The following MARCHF1 variants were observed in gnomAD, a reference collection of about 807,000 sequenced individuals.
MARCHF1 encodes membrane associated ring-CH-type finger 1.
MARCHF1 carries 40 observed loss-of-function variants against 54.2 expected under a neutral mutation model. The ratio of observed to expected loss-of-function variants is 0.74; its 90% CI spans 0.57 to 0.96. The LOEUF is 0.96. Among genes scored for constraint, MARCHF1 ranks in the 40% least tolerant of loss-of-function variants. The pLI is 0.00. For synonymous variants in MARCHF1, 236 were observed against 236.3 expected (o/e 1.00, Z 0.01); for missense variants, 586 against 656.5 (o/e 0.89, Z 1.17).
intron 5 of MARCHF1, among the ~76,000 whole-genome samples, chr4:163,632,107 A>T (rs1478982312): frequency 2.0e-5 from 3 of 152,240 alleles, no homozygotes; most frequent in Admixed American, 6.5e-5. Context: ...GAGGATGTGG[A>T]GAAATTGGAA....
intron 2 of MARCHF1, among the ~76,000 whole-genome samples, chr4:164,063,040 A>G (rs1754654194): frequency 6.6e-6 from 1 of 152,208 alleles, no homozygotes; most frequent in Non-Finnish European, 1.5e-5. Flanking sequence ...TTCTCAACAT[A>G]GGGGTTAAAA....
At chr4:163,848,291 G>A (rs891864462) in intron 4 of MARCHF1, among the ~76,000 whole-genome samples, 1 of 152,104 alleles carries the variant, frequency 6.6e-6, no homozygotes, top group East Asian at 1.9e-4. Flanking sequence ...CTGAGCTGAT[G>A]AACATATGTT....
chr4:163,834,908 G>C (rs1749138117), intron 4 of MARCHF1, among the ~76,000 whole-genome samples: 1 of 150,544 alleles, frequency 6.6e-6, no homozygotes, highest in South Asian at 2.1e-4. Flanking sequence ...TAGAGATGGG[G>C]TCTTGTTCTG....
rs188488403 is a variant in MARCHF1 at position 164,007,902 on chromosome 4, G to A, written c.-247-19193C>T. 2.0e-3 allele frequency among the ~76,000 whole-genome samples: 303 copies of A among 152,130 alleles called. 1 individual carries two copies. Among genetic ancestry groups the A allele is most frequent in the Non-Finnish European group, 2.9e-3 (195 of 67,982 alleles). ...ATCCATAAAGGAAGAGAGTAAGAAGGAAGAAAAGGAGAGTCTCATAATAGC... is the reference window on the plus strand; with the variant it reads ...ATCCATAAAGGAAGAGAGTAAGAAGAAAGAAAAGGAGAGTCTCATAATAGC... On this transcript the variant is annotated intron_variant, in intron 2 of 9. Transcript: ENST00000514618.
intron 1 of MARCHF1, among the ~76,000 whole-genome samples, chr4:164,181,226 C>A (rs994221620): frequency 1.3e-5 from 2 of 152,128 alleles, no homozygotes; most frequent in African/African-American, 4.8e-5. Flanking sequence ...ATACATTGGC[C>A]TCCTTTGACT....
chr4:163,992,551 G>C (rs1400114907), intron 2 of MARCHF1, among the ~76,000 whole-genome samples: 2 of 151,768 alleles, frequency 1.3e-5, no homozygotes, highest in Non-Finnish European at 2.9e-5. Flanking sequence ...TCAAGGCGTA[G>C]AGATGGTGTG....
At chr4:164,002,174 C>T (rs1161877330) in intron 2 of MARCHF1, among the ~76,000 whole-genome samples, 1 of 151,510 alleles carries the variant, frequency 6.6e-6, no homozygotes. Context: ...AGAATATTCA[C>T]AATATCTGGC....
intron 1 of MARCHF1, among the ~76,000 whole-genome samples, chr4:164,322,786 G>C (rs1008750242): frequency 6.6e-6 from 1 of 151,912 alleles, no homozygotes; most frequent in African/African-American, 2.4e-5. Flanking sequence ...CAGAAAGAAT[G>C]CAAGAATATC....
rs142836641 is a variant in MARCHF1 at position 163,646,856 on chromosome 4, A to T, written c.163-33463T>A. Among the ~76,000 whole-genome samples, 568 of 152,226 alleles carry T rather than the reference A, an allele frequency of 3.7e-3. 3 individuals carry two copies. The highest frequency in any genetic ancestry group is 0.013 in the African/African-American group (525 of 41,562). ...CAAGAGAGGAAGAAAAGAACAAAAG[A>T]TCCACAAAACAATCTGAAAACAATT... is the stretch of plus-strand genomic sequence containing the variant. On this transcript the variant is annotated intron_variant, in intron 5 of 9. Transcript: ENST00000514618.
chr4:163,833,594 G>A (rs1207574466), intron 4 of MARCHF1, among the ~76,000 whole-genome samples: 2 of 152,106 alleles, frequency 1.3e-5, no homozygotes, highest in Admixed American at 1.3e-4. Context: ...AGACATTTAT[G>A]CAGCCAAAAA....
intron 1 of MARCHF1, among the ~76,000 whole-genome samples, chr4:164,300,474 A>T (rs1435459454): frequency 6.6e-6 from 1 of 152,168 alleles, no homozygotes; most frequent in African/African-American, 2.4e-5. Flanking sequence ...CATTTTGAAC[A>T]ATTTCTACCC....
intron 1 of MARCHF1, among the ~76,000 whole-genome samples, chr4:164,216,880 A>T (rs1731949817): frequency 6.6e-6 from 1 of 152,204 alleles, no homozygotes; most frequent in African/African-American, 2.4e-5. Context: ...ATGTACTATA[A>T]CCCAAGAATA....
intron 4 of MARCHF1, among the ~76,000 whole-genome samples, chr4:163,743,237 A>G (rs1238433339): frequency 1.3e-5 from 2 of 152,210 alleles, no homozygotes; most frequent in African/African-American, 4.8e-5. Flanking sequence ...CAAAAAAAAG[A>G]TTATAAAATT....
intron 1 of MARCHF1, among the ~76,000 whole-genome samples, chr4:164,351,446 C>G (rs932065856): frequency 2.7e-5 from 4 of 150,736 alleles, no homozygotes; most frequent in Non-Finnish European, 1.5e-5. Context: ...TCAAGTGGGT[C>G]CCTGACCCCT....
chr4:163,748,276 C>T (rs12504820), intron 4 of MARCHF1, among the ~76,000 whole-genome samples: 39,157 of 151,994 alleles, frequency 0.26, 6,138 homozygotes, highest in Non-Finnish European at 0.36. Context: ...TTCAATCCCC[C>T]ACAGATGACT....
In MARCHF1 at chr4:163,640,222, C is replaced by A. The variant is rs189330464; in HGVS notation, c.163-26829G>T. Among the ~76,000 whole-genome samples, 20 of 152,084 alleles carry A rather than the reference C, an allele frequency of 1.3e-4. No individual in the cohort carries two copies. In the East Asian group the frequency reaches 3.5e-3, roughly 26 times the overall value. On this transcript the variant is annotated intron_variant, in intron 5 of 9. Coordinates refer to ENST00000514618, the MANE Select transcript of MARCHF1 (RefSeq NM_001394959.1). ...TTCAGCAATCAATTTTAGAGTACAG[C>A]AGAAAAAGCTGGACATCAGATAATA... is the stretch of plus-strand genomic sequence containing the variant.
chr4:163,635,857 C>A (rs980275898), intron 5 of MARCHF1, among the ~76,000 whole-genome samples: 1 of 152,112 alleles, frequency 6.6e-6, no homozygotes, highest in Admixed American at 6.5e-5. Context: ...AAAATACTGG[C>A]AAAACGAATC....
intron 8 of MARCHF1, among the ~76,000 whole-genome samples, chr4:163,581,441 C>T (rs960126940): frequency 1.3e-5 from 2 of 152,164 alleles, no homozygotes; most frequent in African/African-American, 4.8e-5. Flanking sequence ...TAGGCAACAT[C>T]ATTCAAAGGG....
chr4:164,141,512 T>G (rs1306951477), intron 1 of MARCHF1, among the ~76,000 whole-genome samples: 1 of 152,230 alleles, frequency 6.6e-6, no homozygotes, highest in African/African-American at 2.4e-5. Flanking sequence ...TTCCTTGGTC[T>G]ATCTTTGGTC....
Sources: gnomAD v4.1 joint callset for allele counts (sites outside exome capture counted in the v4.1 genomes callset) on GRCh38, gnomAD v4.1.1 for gene constraint, MANE v1.5 for transcripts, NCBI Gene and HGNC (gene_info 2026-07-23, HGNC 2026-07-21) for gene names.